The following LRMDA variants were observed in gnomAD, a reference collection of about 807,000 sequenced individuals.
LRMDA encodes the protein leucine rich melanocyte differentiation associated.
In LRMDA, 18 loss-of-function variants were observed where a neutral mutation model predicts 29.8. That is an observed-to-expected ratio of 0.60 (90% confidence interval 0.42 to 0.90). The LOEUF (loss-of-function observed/expected upper bound fraction) is 0.90. LRMDA is among the 40% of genes least tolerant of loss of function. The probability of loss-of-function intolerance (pLI) is 0.00; values close to 1 mark genes in which losing one functional copy is unlikely to be tolerated. For missense variants in LRMDA, 273 were observed against 273.9 expected, an observed-to-expected ratio of 1.00 and a Z score of 0.02; for synonymous variants, 125 against 109.4, an observed-to-expected ratio of 1.14 and a Z score of -0.89.
intron 2 of LRMDA, among the ~76,000 whole-genome samples, chr10:75,673,926 T>A (rs1416469851): frequency 1.3e-5 from 2 of 152,216 alleles, no homozygotes. Flanking sequence ...GCCTGACACA[T>A]AGTAGGAATG....
chr10:75,646,706 T>G (rs1207318807), intron 2 of LRMDA, among the ~76,000 whole-genome samples: 1 of 151,854 alleles, frequency 6.6e-6, no homozygotes, highest in African/African-American at 2.4e-5. Flanking sequence ...AATGAGGGAG[T>G]GAGTTCGTTA....
chr10:75,579,111 A>C (rs1308056268), intron 2 of LRMDA, among the ~76,000 whole-genome samples: 1 of 152,040 alleles, frequency 6.6e-6, no homozygotes, highest in Non-Finnish European at 1.5e-5. Flanking sequence ...AAAACCCTTC[A>C]AAAAAATCAA....
chr10:75,606,013 A>G (rs1840951878), intron 2 of LRMDA, among the ~76,000 whole-genome samples: 1 of 152,088 alleles, frequency 6.6e-6, no homozygotes, highest in African/African-American at 2.4e-5. Flanking sequence ...GTGCACCACC[A>G]TGCTCAGCTA....
chr10:75,695,702 T>C (rs72809473), intron 2 of LRMDA, among the ~76,000 whole-genome samples: 9,988 of 152,294 alleles, frequency 0.066, 454 homozygotes, highest in South Asian at 0.13. Flanking sequence ...GCCTGTAATA[T>C]TACATTACCC....
In LRMDA at chr10:76,361,193, G is replaced by A. The variant is rs192874428; in HGVS notation, c.601+36708G>A. Among the ~76,000 whole-genome samples the A allele has an allele frequency of 8.1e-4, 123 of 152,120 alleles. No homozygotes were observed. The East Asian group carries it at 0.017, about 21-fold the overall frequency. On this transcript the variant is annotated intron_variant, in intron 6 of 6. Coordinates refer to ENST00000611255, the MANE Select transcript of LRMDA (RefSeq NM_001305581.2). ...GGAGAGCTGCTTGAGCCTGGGAGGC[G>A]GTGGTTGCAGTGAGTCGAGATTGCA...
rs578251776 is a variant in LRMDA at position 75,513,903 on chromosome 10, G to A, written c.131+75409G>A. 5.3e-5 allele frequency among the ~76,000 whole-genome samples: 8 copies of A among 152,246 alleles called. No individual in the cohort carries two copies. The East Asian group carries it at 1.5e-3, about 29-fold the overall frequency. ...CATAATCACAGGCTTCAGGAATTAG[G>A]ATGTGGATATCTTGGCAGGAAGCAC... On this transcript the variant is annotated intron_variant, in intron 2 of 6. Transcript: ENST00000611255.
intron 5 of LRMDA, among the ~76,000 whole-genome samples, chr10:76,299,007 T>C (rs1430908309): frequency 6.6e-6 from 1 of 152,222 alleles, no homozygotes; most frequent in African/African-American, 2.4e-5. Flanking sequence ...ATTAGAAATA[T>C]TTTCTTTGAC....
chr10:76,493,449 C>T (rs1208004700), intron 6 of LRMDA, among the ~76,000 whole-genome samples: 1 of 152,058 alleles, frequency 6.6e-6, no homozygotes, highest in African/African-American at 2.4e-5. Flanking sequence ...ATCAAAGAGC[C>T]AAGGCCTGGA....
chr10:75,859,637 A>ACACACC (rs1564588870), intron 2 of LRMDA, among the ~76,000 whole-genome samples: 2 of 149,176 alleles, frequency 1.3e-5, no homozygotes, highest in East Asian at 4.1e-4. Flanking sequence ...ACACACACAC[A>ACACACC]CACACACACA....
intron 2 of LRMDA, among the ~76,000 whole-genome samples, chr10:75,759,856 A>G (rs913349694): frequency 1.3e-5 from 2 of 152,214 alleles, no homozygotes; most frequent in South Asian, 2.1e-4. Flanking sequence ...AGGAAATATT[A>G]CCCTATAATA....
At chr10:75,997,155 C>A (rs976835525) in intron 2 of LRMDA, among the ~76,000 whole-genome samples, 6 of 152,084 alleles carry the variant, frequency 3.9e-5, no homozygotes, top group Non-Finnish European at 7.4e-5. Flanking sequence ...CCCCACTTCC[C>A]AGAAATAACC....
chr10:75,929,295 A>ATGTGAGTGTG (rs1554834928), intron 2 of LRMDA, among the ~76,000 whole-genome samples: 27 of 151,114 alleles, frequency 1.8e-4, no homozygotes, highest in Non-Finnish European at 3.3e-4. Flanking sequence ...TGCATGATCT[A>ATGTGAGTGTG]TGTGTGTGTG....
chr10:75,452,728 T>A (rs2132032612), intron 2 of LRMDA, among the ~76,000 whole-genome samples: 1 of 152,234 alleles, frequency 6.6e-6, no homozygotes, highest in East Asian at 1.9e-4. Context: ...TAGCCTGACT[T>A]GAAGGGAGTT....
At chr10:76,180,815 G>T (rs1851034785) in intron 5 of LRMDA, among the ~76,000 whole-genome samples, 1 of 152,080 alleles carries the variant, frequency 6.6e-6, no homozygotes, top group South Asian at 2.1e-4. Flanking sequence ...ATCTTATTTG[G>T]AATCTCTAAT....
chr10:75,922,822 A>G (rs1220925586), intron 2 of LRMDA, among the ~76,000 whole-genome samples: 2 of 152,076 alleles, frequency 1.3e-5, no homozygotes, highest in East Asian at 3.9e-4. Flanking sequence ...TTCAGCCTAG[A>G]TGTCTTGCTA....
chr10:76,121,807 C>T (rs1849794310), intron 5 of LRMDA, among the ~76,000 whole-genome samples: 1 of 152,122 alleles, frequency 6.6e-6, no homozygotes, highest in East Asian at 1.9e-4. Flanking sequence ...AGGAGCTTCT[C>T]AAAGAAAGCA....
At chr10:76,435,502 G>A (rs1842236230) in intron 6 of LRMDA, among the ~76,000 whole-genome samples, 1 of 152,220 alleles carries the variant, frequency 6.6e-6, no homozygotes, top group Non-Finnish European at 1.5e-5. Flanking sequence ...TGAATCAAGA[G>A]TGGTTTTATA....
intron 2 of LRMDA, among the ~76,000 whole-genome samples, chr10:75,567,484 G>A (rs34694612): frequency 0.048 from 7,313 of 152,264 alleles, 432 homozygotes; most frequent in East Asian, 0.3. Flanking sequence ...AATAGATCAG[G>A]CCAAATGATC....
chr10:75,796,133 G>C (rs1336975050), intron 2 of LRMDA, among the ~76,000 whole-genome samples: 1 of 152,012 alleles, frequency 6.6e-6, no homozygotes, highest in Non-Finnish European at 1.5e-5. Flanking sequence ...CTATTACATT[G>C]TCTAGAAATA....
Sources: allele counts gnomAD v4.1 joint callset (sites outside exome capture counted in the v4.1 genomes callset), GRCh38; gene constraint gnomAD v4.1.1; transcripts MANE v1.5; gene names NCBI Gene and HGNC (gene_info 2026-07-23, HGNC 2026-07-21).